Variants in NFAM1 observed in about 807,000 individuals in gnomAD.
NFAM1 encodes NFAT activation molecule 1.
A neutral mutation model predicts 29.0 loss-of-function variants in NFAM1; 17 were observed. That is an observed-to-expected ratio of 0.59 (90% confidence interval 0.40 to 0.88). NFAM1 has a LOEUF of 0.88. NFAM1 is among the 40% of genes least tolerant of loss of function. The pLI is 0.00. For synonymous variants in NFAM1, 175 were observed against 147.2 expected (o/e 1.19, Z -1.36); for missense variants, 324 against 344.6 (o/e 0.94, Z 0.47).
upstream of NFAM1, chr22:42,432,497 C>T (rs1286890181): frequency 7.9e-7 from 1 of 1,265,278 alleles, no homozygotes; most frequent in Non-Finnish European, 1.1e-6. Context: ...CTGGAACAGC[C>T]CAGCAGGGTG....
intron 4 of NFAM1, among the ~76,000 whole-genome samples, chr22:42,390,874 T>C (rs1929315794): frequency 6.7e-6 from 1 of 150,108 alleles, no homozygotes; most frequent in South Asian, 2.1e-4. Flanking sequence ...AAGGCCACCC[T>C]GGGGCGGAGG....
Position 42,380,458 on chromosome 22 carries a change from C to T in NFAM1, c.*4703G>A, listed in dbSNP as rs1277936332. The T allele has an allele frequency of 6.6e-6, 1 of 152,244 alleles. No homozygotes were observed. The highest frequency in any genetic ancestry group is 2.4e-5 in the African/African-American group (1 of 41,410). 9.4% of individuals were successfully genotyped at this position (152,244 alleles called of 1,614,324 possible). Reference sequence around the variant, plus strand: ...TCACTGTAACATATGCTTCTGTCACCCACATATGTCACCTCCAGACACACA... The same window carrying T: ...TCACTGTAACATATGCTTCTGTCACTCACATATGTCACCTCCAGACACACA... On this transcript the variant is annotated 3_prime_UTR_variant, in exon 6 of 6. Transcript: ENST00000329021.
intron 3 of NFAM1, among the ~76,000 whole-genome samples, chr22:42,403,085 C>T (rs1342870778): frequency 6.6e-6 from 1 of 151,850 alleles, no homozygotes; most frequent in Non-Finnish European, 1.5e-5. Context: ...TGACCACCCA[C>T]CTCGGACTCC....
At chr22:42,428,473 G>A (rs2146558839) in intron 1 of NFAM1, among the ~76,000 whole-genome samples, 1 of 152,154 alleles carries the variant, frequency 6.6e-6, no homozygotes, top group East Asian at 1.9e-4. Flanking sequence ...ACAGAGTCCT[G>A]CTCTGTCACC....
chr22:42,432,412 C>T (rs1286550988), upstream of NFAM1: 16 of 1,481,298 alleles, frequency 1.1e-5, no homozygotes, highest in Admixed American at 2.6e-5. Context: ...GGACGGCCGG[C>T]GCTGACAGCT....
chr22:42,386,396 A>ACACACACACACACACACACACAC (rs1555968132), intron 5 of NFAM1, among the ~76,000 whole-genome samples: 1 of 125,186 alleles, frequency 8.0e-6, no homozygotes, highest in African/African-American at 2.9e-5. Flanking sequence ...AAAACAAACA[A>ACACACACACACACACACACACAC]ACACACACAC....
intron 1 of NFAM1, among the ~76,000 whole-genome samples, chr22:42,415,729 C>G (rs1930240818): frequency 6.6e-6 from 1 of 152,192 alleles, no homozygotes; most frequent in Admixed American, 6.5e-5. Context: ...AGGTCTAGGC[C>G]CTAGTTGGCT....
chr22:42,417,505 A>G (rs779446579), intron 1 of NFAM1, among the ~76,000 whole-genome samples: 2 of 126,632 alleles, frequency 1.6e-5, no homozygotes, highest in African/African-American at 3.2e-5. Context: ...AACGGATTTG[A>G]GAACTTCCCT....
chr22:42,428,254 C>A (rs573573661), intron 1 of NFAM1, among the ~76,000 whole-genome samples: 3 of 152,290 alleles, frequency 2.0e-5, no homozygotes, highest in Non-Finnish European at 4.4e-5. Flanking sequence ...TGTCCCCACT[C>A]CGCGGGCAGC....
At chr22:42,430,204 A>G (rs1249868914) in intron 1 of NFAM1, among the ~76,000 whole-genome samples, 2 of 151,382 alleles carry the variant, frequency 1.3e-5, no homozygotes, top group African/African-American at 2.4e-5. Context: ...CAGAGGTTGT[A>G]GTGAGCTGAG....
At chr22:42,437,024 C>G, upstream of NFAM1, 1 of 984,230 alleles carries the variant, frequency 1.0e-6, no homozygotes, top group Non-Finnish European at 1.2e-6. Flanking sequence ...CTGCTATGCT[C>G]AGTTTCTGGG....
At chr22:42,399,734 G>C (rs1929664484) in intron 3 of NFAM1, among the ~76,000 whole-genome samples, 1 of 152,176 alleles carries the variant, frequency 6.6e-6, no homozygotes, top group Admixed American at 6.5e-5. Flanking sequence ...GAGGGAGGTG[G>C]CCTGGACATC....
At chr22:42,412,555 T>A (rs1335716611) in intron 1 of NFAM1, among the ~76,000 whole-genome samples, 2 of 152,136 alleles carry the variant, frequency 1.3e-5, no homozygotes, top group Non-Finnish European at 2.9e-5. Flanking sequence ...AGAGGCCACC[T>A]GGGATCAAAG....
chr22:42,416,424 A>G (rs73886095), intron 1 of NFAM1, among the ~76,000 whole-genome samples: 5,498 of 152,302 alleles, frequency 0.036, 354 homozygotes, highest in African/African-American at 0.13. Flanking sequence ...GCCAGCACCC[A>G]GGCTGGGAAG....
chr22:42,434,254 G>A (rs576669966), upstream of NFAM1, among the ~76,000 whole-genome samples: 3 of 152,294 alleles, frequency 2.0e-5, no homozygotes, highest in South Asian at 6.2e-4. Flanking sequence ...TGCAGGAATG[G>A]ACGGATGGGT....
chr22:42,394,415 G>A (rs991791481), intron 4 of NFAM1, among the ~76,000 whole-genome samples: 8 of 152,072 alleles, frequency 5.3e-5, no homozygotes, highest in African/African-American at 1.9e-4. Context: ...GACTGTCTCA[G>A]ACTCCTGGGC....
At chr22:42,400,076 C>G (rs546014205) in intron 3 of NFAM1, among the ~76,000 whole-genome samples, 1 of 152,264 alleles carries the variant, frequency 6.6e-6, no homozygotes, top group South Asian at 2.1e-4. Flanking sequence ...GGTGACTTGC[C>G]GAGGCCACGC....
At chr22:42,421,578 CCCA>C (rs1930447927) in intron 1 of NFAM1, among the ~76,000 whole-genome samples, 1 of 152,158 alleles carries the variant, frequency 6.6e-6, no homozygotes, top group African/African-American at 2.4e-5. Context: ...TGAGGCTCCT[CCCA>C]CCACCAAGTC....
chr22:42,392,423 G>A (rs1352066498), intron 4 of NFAM1, among the ~76,000 whole-genome samples: 1 of 152,124 alleles, frequency 6.6e-6, no homozygotes, highest in African/African-American at 2.4e-5. Context: ...GAGAAGGAAG[G>A]TTCTGGCGAA....
Sources: allele counts gnomAD v4.1 joint callset (sites outside exome capture counted in the v4.1 genomes callset), GRCh38; gene constraint gnomAD v4.1.1; transcripts MANE v1.5; gene names NCBI Gene and HGNC (gene_info 2026-07-23, HGNC 2026-07-21).